The following PLXNA4 variants were observed in gnomAD, a reference collection of about 807,000 sequenced individuals.
The protein encoded by PLXNA4 is plexin A4, also known as plexin-A4.
A neutral mutation model predicts 191.8 loss-of-function variants in PLXNA4; 44 were observed. That is an observed-to-expected ratio of 0.23 (90% CI 0.18 to 0.29). The LOEUF (loss-of-function observed/expected upper bound fraction) is 0.29, where lower values mean the gene tolerates loss of function less well. PLXNA4 is among the 10% of genes least tolerant of loss of function. The pLI is 1.00. For missense variants in PLXNA4, 1,800 were observed against 2,488.8 expected (o/e 0.72, Z 5.89); for synonymous variants, 1,082 against 1,009.5 (o/e 1.07, Z -1.36).
intron 4 of PLXNA4, among the ~76,000 whole-genome samples, chr7:132,245,024 A>C (rs1799000784): frequency 6.6e-6 from 1 of 151,904 alleles, no homozygotes; most frequent in Admixed American, 6.6e-5. Context: ...TGCCTCTCCC[A>C]TCCCCCAACT....
chr7:132,231,530 T>C (rs554325418), intron 5 of PLXNA4, among the ~76,000 whole-genome samples: 2 of 152,312 alleles, frequency 1.3e-5, no homozygotes, highest in South Asian at 2.1e-4. Context: ...GCTCAAGCCA[T>C]CCTCCCACCT....
At chr7:132,488,071 A>C (rs1797633818) in intron 3 of PLXNA4, among the ~76,000 whole-genome samples, 1 of 152,206 alleles carries the variant, frequency 6.6e-6, no homozygotes, top group Non-Finnish European at 1.5e-5. Context: ...CATGGACACC[A>C]TTCTTGCAGA....
At chr7:132,619,876 C>G (rs1340167534) in intron 2 of PLXNA4, among the ~76,000 whole-genome samples, 1 of 152,250 alleles carries the variant, frequency 6.6e-6, no homozygotes, top group Non-Finnish European at 1.5e-5. Flanking sequence ...TCTCAGCTCA[C>G]TGCAAACTCC....
intron 3 of PLXNA4, among the ~76,000 whole-genome samples, chr7:132,371,807 A>G (rs1804452680): frequency 6.6e-6 from 1 of 152,246 alleles, no homozygotes; most frequent in African/African-American, 2.4e-5. Context: ...ACACACATAC[A>G]CACACTCACA....
At position 132,455,184 on chromosome 7, in the gene PLXNA4, C is replaced by T. The variant is rs561689918; in HGVS notation, c.1371+34108G>A. Among the ~76,000 whole-genome samples, 14 of 152,262 alleles carry T rather than the reference C, an allele frequency of 9.2e-5. No individual in the cohort carries two copies. In the East Asian group the frequency reaches 1.9e-3, roughly 21 times the overall value. On this transcript the variant is annotated intron_variant, in intron 3 of 31. Transcript: ENST00000321063. ...TCTGTGGTCATCACGGTGGCTGTTC[C>T]GCTGTTTGCCTCCCTCCTGGCAGGT...
intron 3 of PLXNA4, among the ~76,000 whole-genome samples, chr7:132,387,797 A>G (rs1308334767): frequency 1.3e-5 from 2 of 152,124 alleles, no homozygotes; most frequent in South Asian, 2.1e-4. Flanking sequence ...GATCTTGTCT[A>G]CTTAGCTGGT....
At chr7:132,589,602 T>C (rs1227253408) in intron 2 of PLXNA4, among the ~76,000 whole-genome samples, 5 of 152,218 alleles carry the variant, frequency 3.3e-5, no homozygotes, top group Admixed American at 3.3e-4. Flanking sequence ...ATTCATTCTT[T>C]CTTTTATTCA....
chr7:132,592,743 A>G (rs1304900501), intron 2 of PLXNA4, among the ~76,000 whole-genome samples: 2 of 152,058 alleles, frequency 1.3e-5, no homozygotes, highest in East Asian at 1.9e-4. Context: ...GATAATGCTA[A>G]TGGAATTACA....
intron 3 of PLXNA4, among the ~76,000 whole-genome samples, chr7:132,425,870 CAG>C (rs1251647978): frequency 6.6e-6 from 1 of 152,326 alleles, no homozygotes; most frequent in East Asian, 1.9e-4. Flanking sequence ...GTGCCTCCCT[CAG>C]ACAGTTCCAG....
At chr7:132,271,442 A>G (rs1278302920) in intron 4 of PLXNA4, among the ~76,000 whole-genome samples, 1 of 151,506 alleles carries the variant, frequency 6.6e-6, no homozygotes, top group African/African-American at 2.4e-5. Context: ...AAAAAAAAAA[A>G]AAAAAGAAAC....
intron 3 of PLXNA4, among the ~76,000 whole-genome samples, chr7:132,325,480 G>C (rs938364619): frequency 7.2e-5 from 11 of 152,170 alleles, no homozygotes; most frequent in Non-Finnish European, 1.5e-4. Context: ...CTTGGAAATA[G>C]AATATTTGCA....
chr7:132,161,414 C>T (rs1344895771), intron 24 of PLXNA4, among the ~76,000 whole-genome samples: 5 of 152,370 alleles, frequency 3.3e-5, no homozygotes, highest in Admixed American at 2.0e-4. Flanking sequence ...CACAGGTTCC[C>T]TTCCTCCATG....
At chr7:132,506,813 C>T (rs553652498) in intron 2 of PLXNA4, among the ~76,000 whole-genome samples, 2 of 152,302 alleles carry the variant, frequency 1.3e-5, no homozygotes, top group Middle Eastern at 3.4e-3. Flanking sequence ...TGCTGCTCTC[C>T]GGCTGCTTCC....
intron 4 of PLXNA4, among the ~76,000 whole-genome samples, chr7:132,248,882 A>C (rs1799149686): frequency 1.3e-5 from 2 of 152,176 alleles, no homozygotes; most frequent in Non-Finnish European, 2.9e-5. Flanking sequence ...TGGCAGCAGT[A>C]AAAACTCCTT....
At chr7:132,606,741 AC>A (rs1344538220) in intron 2 of PLXNA4, among the ~76,000 whole-genome samples, 3 of 152,160 alleles carry the variant, frequency 2.0e-5, no homozygotes, top group Admixed American at 6.5e-5. Context: ...TCACAGGGCC[AC>A]CCCTGACTTT....
chr7:132,204,466 T>C (rs894413792), intron 10 of PLXNA4, among the ~76,000 whole-genome samples: 1 of 152,316 alleles, frequency 6.6e-6, no homozygotes, highest in East Asian at 1.9e-4. Context: ...ATTTTCTGCA[T>C]GGGAGGGGCT....
intron 4 of PLXNA4, among the ~76,000 whole-genome samples, chr7:132,292,918 G>T (rs1800945377): frequency 6.6e-6 from 1 of 152,194 alleles, no homozygotes; most frequent in Admixed American, 6.5e-5. Context: ...CCAGCCACAG[G>T]AAAAGCCAGA....
rs549439745 is a variant in PLXNA4 at position 132,564,503 on chromosome 7, C to T, written c.-87+11919G>A. Among the ~76,000 whole-genome samples, 63 of 152,230 alleles carry T rather than the reference C, an allele frequency of 4.1e-4. 1 individual carries two copies. In the South Asian group the frequency reaches 0.013, roughly 31 times the overall value. On this transcript the variant is annotated intron_variant, in intron 1 of 31. Coordinates refer to ENST00000321063, the MANE Select transcript of PLXNA4 (RefSeq NM_020911.2). The stretch of plus-strand genomic sequence containing the variant: ...TTCCCAGAGCACCCTCTTCATGCCC[C>T]AGTCTCACTCTCTGACACATTGCAT...
chr7:132,182,897 G>T (rs1259523688), intron 16 of PLXNA4, among the ~76,000 whole-genome samples: 1 of 152,148 alleles, frequency 6.6e-6, no homozygotes, highest in Non-Finnish European at 1.5e-5. Flanking sequence ...CCTTTCAAAA[G>T]AAACCTGGAT....
Sources: allele counts gnomAD v4.1 joint callset (sites outside exome capture counted in the v4.1 genomes callset), GRCh38; gene constraint gnomAD v4.1.1; transcripts MANE v1.5; gene names NCBI Gene and HGNC (gene_info 2026-07-23, HGNC 2026-07-21).